Variants in PIK3C2G observed in about 807,000 individuals in gnomAD.
The protein encoded by PIK3C2G is phosphatidylinositol-4-phosphate 3-kinase catalytic subunit type 2 gamma.
A neutral mutation model predicts 181.1 loss-of-function variants in PIK3C2G; 168 were observed. The ratio of observed to expected loss-of-function variants is 0.93; its 90% CI spans 0.82 to 1.05. PIK3C2G has a LOEUF of 1.05. Among genes scored for constraint, PIK3C2G ranks in the 50% least tolerant of loss-of-function variants. The pLI is 0.00. For missense variants in PIK3C2G, 1,869 were observed against 1,732.8 expected (o/e 1.08, Z -1.40); for synonymous variants, 573 against 592.2 (o/e 0.97, Z 0.47).
At chr12:18,567,814 A>G in intron 29 of PIK3C2G, among the ~76,000 whole-genome samples, 1 of 152,154 alleles carries the variant, frequency 6.6e-6, no homozygotes, top group East Asian at 1.9e-4. Flanking sequence ...TGGTGGCTTT[A>G]AACAGTACAT....
intron 29 of PIK3C2G, among the ~76,000 whole-genome samples, chr12:18,580,499 C>T (rs114424684): frequency 2.6e-3 from 395 of 152,220 alleles, no homozygotes; most frequent in African/African-American, 8.8e-3. Flanking sequence ...ACATTTGTGA[C>T]GACATTGCTC....
intron 8 of PIK3C2G, among the ~76,000 whole-genome samples, chr12:18,337,156 A>G (rs1206135653): frequency 1.3e-5 from 2 of 152,202 alleles, no homozygotes; most frequent in Non-Finnish European, 2.9e-5. Flanking sequence ...AAGACAAAGA[A>G]TATAAAAACA....
At chr12:18,715,031 G>T in the PIK3C2G span, 5 of 151,660 alleles carry the variant, frequency 3.3e-5, no homozygotes, top group Non-Finnish European at 7.4e-5. Flanking sequence ...CTTCTTTGGC[G>T]ATCATATGCA....
rs111914513 is a variant in PIK3C2G, at chr12:18,579,417, T to C, written c.4011+12360T>C. Among the ~76,000 whole-genome samples the C allele has an allele frequency of 4.6e-5, 7 of 152,304 alleles. 1 individual carries two copies. Among genetic ancestry groups the C allele is most frequent in the African/African-American group, 1.7e-4 (7 of 41,574 alleles). On this transcript the variant is annotated intron_variant, in intron 29 of 32. Coordinates refer to ENST00000538779, the MANE Select transcript of PIK3C2G (RefSeq NM_001288772.2). Reference sequence around the variant, plus strand: ...TGCCAAGGGAATGAGATAAAGAGACTTCTTTAAAGGCCAGAATTGGTTAAG... The same window carrying C: ...TGCCAAGGGAATGAGATAAAGAGACCTCTTTAAAGGCCAGAATTGGTTAAG...
chr12:18,601,793 G>A (rs180982101), intron 30 of PIK3C2G, among the ~76,000 whole-genome samples: 1 of 152,186 alleles, frequency 6.6e-6, no homozygotes, highest in African/African-American at 2.4e-5. Context: ...AACAAAGCCA[G>A]AAGCATCACA....
intron 5 of PIK3C2G, among the ~76,000 whole-genome samples, chr12:18,307,029 C>A (rs73064518): frequency 0.06 from 8,850 of 148,714 alleles, 397 homozygotes; most frequent in Non-Finnish European, 0.092. Flanking sequence ...TTCCAAGGAG[C>A]GGCTAGGGCA....
At position 18,410,528 on chromosome 12, in the gene PIK3C2G, AG is replaced by A. The variant is rs1335725992; in HGVS notation, c.2316-10412del. Among the ~76,000 whole-genome samples the A allele has an allele frequency of 6.2e-3, 940 of 150,966 alleles. 12 individuals are homozygous for A. The highest frequency in any genetic ancestry group is 0.022 in the African/African-American group (895 of 40,802). ...TCAGAAAGAAAAAAAAAAAAAAAAA[AG>A]ATTATTTTTCAGATTAGGATCCATT... On this transcript the variant is annotated intron_variant, in intron 16 of 32. Transcript: ENST00000538779.
At chr12:18,605,146 T>A (rs1947947326) in intron 30 of PIK3C2G, among the ~76,000 whole-genome samples, 1 of 152,112 alleles carries the variant, frequency 6.6e-6, no homozygotes, top group Admixed American at 6.6e-5. Flanking sequence ...ATTAGCAAGA[T>A]TAACCAAGAA....
At chr12:18,322,301 G>T (rs1020555415) in intron 7 of PIK3C2G, among the ~76,000 whole-genome samples, 1 of 151,458 alleles carries the variant, frequency 6.6e-6, no homozygotes, top group Non-Finnish European at 1.5e-5. Context: ...AGAATCACTT[G>T]AACCCAGGAT....
At position 18,419,568 on chromosome 12, in the gene PIK3C2G, C is replaced by A. The variant is rs143848069; in HGVS notation, c.2316-1373C>A. Among the ~76,000 whole-genome samples the A allele has an allele frequency of 3.9e-5, 6 of 152,282 alleles. No homozygotes were observed. In the East Asian group the frequency reaches 1.2e-3, roughly 29 times the overall value. ...TTAATTGCACTCTTTCTGCCCTCCA[C>A]CTGTGCATGACGTTATGCTGAGATC... is the stretch of plus-strand genomic sequence containing the variant. On this transcript the variant is annotated intron_variant, in intron 16 of 32. Transcript: ENST00000538779.
At chr12:18,682,672 C>T in the PIK3C2G span, among the ~76,000 whole-genome samples, 1 of 151,964 alleles carries the variant, frequency 6.6e-6, no homozygotes, top group Non-Finnish European at 1.5e-5. Context: ...ATACAGTTTG[C>T]AGGCAAATCA....
chr12:18,380,017 C>T (rs927390789), intron 13 of PIK3C2G, among the ~76,000 whole-genome samples: 2 of 152,170 alleles, frequency 1.3e-5, no homozygotes, highest in Admixed American at 6.5e-5. Flanking sequence ...AGTTTAATGG[C>T]CATGCCACAA....
Position 18,625,368 on chromosome 12 carries a change from T to C in PIK3C2G, c.4183-15061T>C, listed in dbSNP as rs567363639. On this transcript the variant is annotated intron_variant, in intron 31 of 32. Coordinates refer to ENST00000538779, the MANE Select transcript of PIK3C2G (RefSeq NM_001288772.2). ...GTTACTGATTTCTACTCACATATCA[T>C]TGTGGTTAGAAAAGGTACTTGCTGT... Among the ~76,000 whole-genome samples, 6 of 151,874 alleles carry C rather than the reference T, an allele frequency of 4.0e-5. No homozygotes were observed. The South Asian group carries it at 6.2e-4, about 16-fold the overall frequency.
chr12:18,462,444 T>A (rs1209292110), intron 18 of PIK3C2G, among the ~76,000 whole-genome samples: 1 of 152,298 alleles, frequency 6.6e-6, no homozygotes, highest in Non-Finnish European at 1.5e-5. Context: ...ATATCTGACA[T>A]TATGATAAAC....
chr12:18,438,406 G>C (rs4764404), intron 18 of PIK3C2G, among the ~76,000 whole-genome samples: 34,318 of 151,724 alleles, frequency 0.23, 4,077 homozygotes, highest in Admixed American at 0.34. Flanking sequence ...GACTGAGAGA[G>C]TGTTGCTAAG....
At chr12:18,347,756 T>A (rs1939807946) in intron 11 of PIK3C2G, among the ~76,000 whole-genome samples, 4 of 151,734 alleles carry the variant, frequency 2.6e-5, no homozygotes. Context: ...GGTTGCAGTG[T>A]GCAGTGAACT....
At chr12:18,621,202 GA>G (rs953298640) in intron 31 of PIK3C2G, among the ~76,000 whole-genome samples, 11 of 143,830 alleles carry the variant, frequency 7.6e-5, no homozygotes, top group African/African-American at 2.3e-4. Flanking sequence ...AAAGCAATTT[GA>G]AAAAAAAACA....
At chr12:18,445,620 A>G (rs1164268084) in intron 18 of PIK3C2G, among the ~76,000 whole-genome samples, 1 of 152,138 alleles carries the variant, frequency 6.6e-6, no homozygotes, top group African/African-American at 2.4e-5. Context: ...GTGCAAAATG[A>G]TGCATGTATG....
intron 18 of PIK3C2G, among the ~76,000 whole-genome samples, chr12:18,459,455 C>T (rs2135929380): frequency 6.6e-6 from 1 of 152,274 alleles, no homozygotes; most frequent in East Asian, 1.9e-4. Flanking sequence ...CAACAGATTT[C>T]TCAAATAAAT....
Sources: gnomAD v4.1 joint callset for allele counts (sites outside exome capture counted in the v4.1 genomes callset) on GRCh38, gnomAD v4.1.1 for gene constraint, MANE v1.5 for transcripts, NCBI Gene and HGNC (gene_info 2026-07-23, HGNC 2026-07-21) for gene names.